The following RYR2 variants were observed in gnomAD, a reference collection of about 807,000 sequenced individuals.
RYR2 encodes the protein cardiac muscle ryanodine receptor-calcium release channel.
In RYR2, 227 loss-of-function variants were observed where a neutral mutation model predicts 601.1. The observed-to-expected ratio is 0.38, with a 90% CI of 0.34 to 0.42. The LOEUF (loss-of-function observed/expected upper bound fraction) is 0.42. Among genes scored for constraint, RYR2 ranks in the 10% least tolerant of loss-of-function variants. RYR2 has a pLI of 1.00. For synonymous variants in RYR2, 2,223 were observed against 2,175.1 expected (o/e 1.02, Z -0.61); for missense variants, 4,646 against 6,156.5 (o/e 0.75, Z 8.21).
intron 2 of RYR2, among the ~76,000 whole-genome samples, chr1:237,310,266 A>G (rs1358617268): frequency 6.6e-6 from 1 of 152,228 alleles, no homozygotes; most frequent in Non-Finnish European, 1.5e-5. Context: ...CTGCTTTTGT[A>G]GATTCAAAGC....
intron 24 of RYR2, among the ~76,000 whole-genome samples, chr1:237,515,123 C>T (rs562840691): frequency 3.9e-5 from 6 of 152,212 alleles, no homozygotes; most frequent in African/African-American, 1.4e-4. Context: ...ATCTGTGTAT[C>T]GTACGGTACT....
At chr1:237,684,048 C>T (rs548637792) in intron 62 of RYR2, among the ~76,000 whole-genome samples, 52 of 152,158 alleles carry the variant, frequency 3.4e-4, no homozygotes, top group African/African-American at 1.1e-3. Flanking sequence ...CTGCCTCAGC[C>T]TCCTGAGTAG....
intron 38 of RYR2, among the ~76,000 whole-genome samples, chr1:237,618,772 A>G (rs1420046511): frequency 6.6e-6 from 1 of 152,180 alleles, no homozygotes; most frequent in East Asian, 1.9e-4. Context: ...GGCTGTAACA[A>G]GGTGTCCCAG....
intron 44 of RYR2, among the ~76,000 whole-genome samples, chr1:237,637,894 G>A (rs1224646564): frequency 6.6e-6 from 1 of 152,090 alleles, no homozygotes; most frequent in Non-Finnish European, 1.5e-5. Flanking sequence ...ACAAGGAATT[G>A]CGGGTGGATT....
chr1:237,479,094 C>T (rs753676988), intron 17 of RYR2, among the ~76,000 whole-genome samples: 2 of 152,186 alleles, frequency 1.3e-5, no homozygotes, highest in Non-Finnish European at 2.9e-5. Flanking sequence ...GGCTTAGTGG[C>T]GAATGATTCA....
chr1:237,042,536 C>T lies in RYR2; in HGVS notation c.15C>T (p.Gly5=). The change falls in exon 1 of 105, where the codon GGC becomes GGT. Residue 5 remains glycine (G), a synonymous_variant. Transcript: ENST00000366574. MADG[G]EGEDEIQFLR... Reference sequence around the variant, plus strand: ...GGCGCGGAACCATGGCCGATGGGGGCGAGGGCGAAGACGAGATCCAGTTCC... The same window carrying T: ...GGCGCGGAACCATGGCCGATGGGGGTGAGGGCGAAGACGAGATCCAGTTCC... 1.6e-6 allele frequency: 2 copies of T among 1,258,750 alleles called. No individual in the cohort carries two copies. The highest frequency in any genetic ancestry group is 2.0e-6 in the Non-Finnish European group (2 of 993,964). 78.0% of individuals were successfully genotyped at this position (1,258,750 alleles called of 1,614,324 possible).
intron 1 of RYR2, among the ~76,000 whole-genome samples, chr1:237,265,742 G>T (rs1452988746): frequency 6.6e-6 from 1 of 152,212 alleles, no homozygotes; most frequent in African/African-American, 2.4e-5. Flanking sequence ...CCTTGGAAGG[G>T]AGTGTGCAGT....
At chr1:237,661,538 C>T (rs1317526916) in intron 56 of RYR2, among the ~76,000 whole-genome samples, 1 of 152,088 alleles carries the variant, frequency 6.6e-6, no homozygotes, top group African/African-American at 2.4e-5. Context: ...GTTGTAAGGT[C>T]CTGAAGTTTT....
At chr1:237,802,013 C>G in intron 98 of RYR2, 97 bp downstream of exon 98, 1 of 702,264 alleles carries the variant, frequency 1.4e-6, no homozygotes, top group Admixed American at 2.1e-5. Flanking sequence ...GAAAATGTTT[C>G]GAATACCAAT....
At chr1:237,655,631 C>T (rs1467079017) in intron 52 of RYR2, among the ~76,000 whole-genome samples, 190 bp from the exon 53 acceptor site, 3 of 152,136 alleles carry the variant, frequency 2.0e-5, no homozygotes, top group Non-Finnish European at 4.4e-5. Context: ...GTAAATCTAG[C>T]TGCAGCTTCT....
At chr1:237,067,278 T>C (rs1055280241) in intron 1 of RYR2, among the ~76,000 whole-genome samples, 2 of 152,178 alleles carry the variant, frequency 1.3e-5, no homozygotes, top group Non-Finnish European at 2.9e-5. Flanking sequence ...TGTTTTATAG[T>C]TTTATGTTTC....
At chr1:237,831,479 C>T (rs370345138) in intron 103 of RYR2, 35 bp from the exon 104 acceptor site, 3 of 1,156,808 alleles carry the variant, frequency 2.6e-6, no homozygotes, top group African/African-American at 1.5e-5. Flanking sequence ...TATTTCCATA[C>T]CGTTCATTTC....
chr1:237,823,849 C>T (rs1031459433), intron 101 of RYR2, among the ~76,000 whole-genome samples: 1 of 152,096 alleles, frequency 6.6e-6, no homozygotes, highest in Non-Finnish European at 1.5e-5. Context: ...AAGGGGATAT[C>T]ACCACCGATC....
At chr1:237,121,236 A>T (rs191886209) in intron 1 of RYR2, 4 of 152,264 alleles carry the variant, frequency 2.6e-5, no homozygotes, top group Non-Finnish European at 5.9e-5. Context: ...TTAAAGTTAC[A>T]TTTAGGTCAA....
chr1:237,661,029 A>G (rs1292564848), intron 56 of RYR2, 82 bp downstream of exon 56: 3 of 1,213,058 alleles, frequency 2.5e-6, no homozygotes, highest in Non-Finnish European at 2.1e-6. Flanking sequence ...GAGTTTTTCT[A>G]AAGAATAATC....
At chr1:237,102,979 A>G (rs528720187) in intron 1 of RYR2, among the ~76,000 whole-genome samples, 1 of 152,380 alleles carries the variant, frequency 6.6e-6, no homozygotes, top group African/African-American at 2.4e-5. Context: ...CCGTTGTGCA[A>G]CAAATCTCCG....
rs1824860 is a variant in RYR2, at chr1:237,566,917, C to T, written c.3423+142C>T. On this transcript the variant is annotated intron_variant, in intron 28 of 104. Transcript: ENST00000366574. The stretch of plus-strand genomic sequence containing the variant: ...TATTTCACAGGAAAGCTTTTGTCCT[C>T]GTAGTCTCAAAACCCTTCCCTACAA... 0.046 allele frequency: 38,886 copies of T among 850,854 alleles called. 1,125 individuals are homozygous for T. Among genetic ancestry groups the T allele is most frequent in the East Asian group, 0.11 (4,295 of 39,958 alleles). The allele number at this position is 850,854 out of a possible 1,614,324, so 52.7% of individuals were successfully genotyped here.
In RYR2 at chr1:237,572,339, T is replaced by C. The variant is rs992540487; in HGVS notation, c.3598+3020T>C. On this transcript the variant is annotated intron_variant, in intron 29 of 104. Transcript: ENST00000366574. Reference sequence around the variant, plus strand: ...GGATGTTAAAAAAAATTTAAATGCATGTGTGAGTTCTGTTTGTATGGTACG... The same window carrying C: ...GGATGTTAAAAAAAATTTAAATGCACGTGTGAGTTCTGTTTGTATGGTACG... Among the ~76,000 whole-genome samples, 6 of 152,188 alleles carry C rather than the reference T, an allele frequency of 3.9e-5. No homozygotes were observed. The East Asian group carries it at 7.7e-4, about 20-fold the overall frequency.
rs143777498 is a variant in RYR2, at chr1:237,466,843, T to G, written c.1613-2249T>G. Among the ~76,000 whole-genome samples, 156 of 151,892 alleles carry G rather than the reference T, an allele frequency of 1.0e-3. 2 individuals carry two copies. Among genetic ancestry groups the G allele is most frequent in the African/African-American group, 3.6e-3 (151 of 41,544 alleles). On this transcript the variant is annotated intron_variant, in intron 16 of 104. Coordinates refer to ENST00000366574, the MANE Select transcript of RYR2 (RefSeq NM_001035.3). ...AGATATTTTATATTATGATATTGATTCCATCATTGACCCAAGAGTTATTAA... is the reference window on the plus strand; with the variant it reads ...AGATATTTTATATTATGATATTGATGCCATCATTGACCCAAGAGTTATTAA...
Sources: allele counts gnomAD v4.1 joint callset (sites outside exome capture counted in the v4.1 genomes callset), GRCh38; gene constraint gnomAD v4.1.1; transcripts MANE v1.5; gene names NCBI Gene and HGNC (gene_info 2026-07-23, HGNC 2026-07-21).